The following STAB1 variants were observed in gnomAD, a reference collection of about 807,000 sequenced individuals.
STAB1 encodes the protein stabilin-1.
A neutral mutation model predicts 332.4 loss-of-function variants in STAB1; 250 were observed. The ratio of observed to expected loss-of-function variants is 0.75; its 90% CI spans 0.68 to 0.84. The LOEUF (loss-of-function observed/expected upper bound fraction) is 0.84. STAB1 is among the 40% of genes least tolerant of loss of function. The pLI is 0.00. For missense variants in STAB1, 3,249 were observed against 3,489.7 expected (o/e 0.93, Z 1.74); for synonymous variants, 1,475 against 1,390.4 (o/e 1.06, Z -1.35).
chr3:52,521,430 G>A lies in STAB1; in HGVS notation c.5978G>A (p.Gly1993Glu). The change falls in exon 56 of 69, where the codon GGG becomes GAG. Residue 1993 changes from glycine (G) to glutamate (E), a missense_variant. Coordinates refer to ENST00000321725, the MANE Select transcript of STAB1 (RefSeq NM_015136.3). ...TGCATGGACGGCATGAGTGGCAGTG[G>A]GCAGTGTCTGTGCCGTTCAGGTTTT... ...GVCMDGMSGS[G>E]QCLCRSGFAG... 1.9e-6 allele frequency: 3 copies of A among 1,614,030 alleles called. No homozygotes were observed. The highest frequency in any genetic ancestry group is 2.5e-6 in the Non-Finnish European group (3 of 1,180,028).
Position 52,522,701 on chromosome 3 carries a change from C to T in STAB1, c.6744+13C>T, listed in dbSNP as rs747346296. 1.9e-6 allele frequency: 3 copies of T among 1,612,910 alleles called. No homozygotes were observed. The highest frequency in any genetic ancestry group is 1.6e-4 in the Middle Eastern group (1 of 6,062). On this transcript the variant is annotated intron_variant, in intron 61 of 68. Transcript: ENST00000321725. ...TGCTGCCCAGCAGGTGTGTGGGGCC[C>T]AGAAGTTGGGGCCAAGTGTTGGGGG...
Position 52,501,255 on chromosome 3 carries a change from C to A in STAB1, c.168C>A (p.Pro56=). The change falls in exon 2 of 69, where the codon CCC becomes CCA. Residue 56 remains proline (P), a synonymous_variant. Coordinates refer to ENST00000321725, the MANE Select transcript of STAB1 (RefSeq NM_015136.3). ...SCAAIKKQTC[P]SGWLRELPDQ... Reference sequence around the variant, plus strand: ...CGGCCATCAAGAAGCAGACGTGTCCCTCAGGCTGGCTGCGGGAGCTCCCGG... The same window carrying A: ...CGGCCATCAAGAAGCAGACGTGTCCATCAGGCTGGCTGCGGGAGCTCCCGG... The A allele has an allele frequency of 6.2e-7, 1 of 1,613,710 alleles. No individual in the cohort carries two copies. Among genetic ancestry groups the A allele is most frequent in the Non-Finnish European group, 8.5e-7 (1 of 1,180,008 alleles).
At position 52,500,934 on chromosome 3, in the gene STAB1, A is replaced by G. The variant is rs186814861; in HGVS notation, c.79-232A>G. On this transcript the variant is annotated intron_variant, in intron 1 of 68. Transcript: ENST00000321725. The stretch of plus-strand genomic sequence containing the variant: ...ATGTGACATTAACAACTTGTAACAG[A>G]CAGGTTTCACAGGGCCTTCCCCATC... Among the ~76,000 whole-genome samples the G allele has an allele frequency of 1.5e-3, 221 of 152,316 alleles. 2 individuals carry two copies. The highest frequency in any genetic ancestry group is 5.0e-3 in the African/African-American group (208 of 41,560).
chr3:52,512,504 G>A, intron 27 of STAB1, 68 bp downstream of exon 27: 1 of 1,611,720 alleles, frequency 6.2e-7, no homozygotes. Context: ...CAGCACCTCA[G>A]GTGGGAAAGG....
chr3:52,518,189 A>G, intron 45 of STAB1, 123 bp from the exon 46 acceptor site: 1 of 1,529,726 alleles, frequency 6.5e-7, no homozygotes, highest in Non-Finnish European at 8.9e-7. Flanking sequence ...ACCCCAACTC[A>G]GACCCCGCGG....
Position 52,507,691 on chromosome 3 carries a change from C to A in STAB1, c.2052+16C>A. The A allele has an allele frequency of 6.2e-7, 1 of 1,613,418 alleles. No homozygotes were observed. Among genetic ancestry groups the A allele is most frequent in the African/African-American group, 1.3e-5 (1 of 75,068 alleles). On this transcript the variant is annotated intron_variant, in intron 19 of 68. Coordinates refer to ENST00000321725, the MANE Select transcript of STAB1 (RefSeq NM_015136.3). ...TGTGAAGCTGGTGAGCACACCTTGG[C>A]CCAGCTCTCAGGGCCTCCTGACTGC...
chr3:52,511,440 C>T (rs899338941), intron 25 of STAB1, among the ~76,000 whole-genome samples: 1 of 152,232 alleles, frequency 6.6e-6, no homozygotes, highest in African/African-American at 2.4e-5. Flanking sequence ...ATGCTCTCAC[C>T]TCCGTGGACT....
At position 52,521,372 on chromosome 3, in the gene STAB1, G is replaced by A. The variant is rs759506710; in HGVS notation, c.5920G>A (p.Gly1974Ser). The A allele has an allele frequency of 2.0e-5, 33 of 1,613,768 alleles. No individual in the cohort carries two copies. Among genetic ancestry groups the A allele is most frequent in the South Asian group, 1.8e-4 (16 of 91,090 alleles). ...YGSECQACPG[G>S]PSSPCSDRGV... ...TACCCCATCCCCAGCTTGCCCTGGCGGCCCCAGCAGCCCTTGTAGTGACCG... is the reference window on the plus strand; with the variant it reads ...TACCCCATCCCCAGCTTGCCCTGGCAGCCCCAGCAGCCCTTGTAGTGACCG... The change falls in exon 56 of 69, where the codon GGC (glycine) becomes AGC (serine). Residue 1974 changes from glycine (G) to serine (S), a missense_variant. Transcript: ENST00000321725.
At position 52,504,089 on chromosome 3, in the gene STAB1, G is replaced by A. The variant is rs142146352; in HGVS notation, c.1084G>A (p.Glu362Lys). 1.2e-4 allele frequency: 184 copies of A among 1,588,576 alleles called. No homozygotes were observed. Among genetic ancestry groups the A allele is most frequent in the Non-Finnish European group, 1.3e-4 (153 of 1,167,686 alleles). The change falls in exon 10 of 69, where the codon GAG becomes AAG. Residue 362 changes from glutamate to lysine, a missense_variant. Coordinates refer to ENST00000321725, the MANE Select transcript of STAB1 (RefSeq NM_015136.3). ...GRACYGHLLH[E>K]VQKATQTGRV... is the part of the protein sequence containing the mutation. The stretch of plus-strand genomic sequence containing the variant: ...TGCCTGCTACGGACACCTGCTCCAC[G>A]AGGTGCAGAAGGCCACGCAGACAGG...
chr3:52,514,812 C>A lies in STAB1; in HGVS notation c.3790C>A (p.His1264Asn), dbSNP rs772563301. Residue 1264 changes from histidine to asparagine, a missense_variant, in exon 35 of 69, where the codon CAC becomes AAC. Coordinates refer to ENST00000321725, the MANE Select transcript of STAB1 (RefSeq NM_015136.3). Reference sequence around the variant, plus strand: ...GGGCTCAAGTCGCTGCCTGCATAGCCACGCTGAGGCCCTGCGGGTGAGAGG... The same window carrying A: ...GGGCTCAAGTCGCTGCCTGCATAGCAACGCTGAGGCCCTGCGGGTGAGAGG... ...TVGSSRCLHS[H>N]AEALREKCVN... is the part of the protein sequence containing the mutation. The A allele has an allele frequency of 1.8e-5, 29 of 1,612,814 alleles. No homozygotes were observed. Among genetic ancestry groups the A allele is most frequent in the Middle Eastern group, 1.6e-4 (1 of 6,080 alleles).
At position 52,501,245 on chromosome 3, in the gene STAB1, A is replaced by C. The variant is rs1311585372; in HGVS notation, c.158A>C (p.Gln53Pro). ...ACCTCGTGCGCGGCCATCAAGAAGC[A>C]GACGTGTCCCTCAGGCTGGCTGCGG... ...PCTSCAAIKK[Q>P]TCPSGWLREL... Residue 53 changes from glutamine (Q) to proline (P), a missense_variant, in exon 2 of 69, where the codon CAG becomes CCG. Gln to Pro is a moderately conservative substitution (Grantham distance 76). Transcript: ENST00000321725. 1.9e-6 allele frequency: 3 copies of C among 1,613,796 alleles called. No individual in the cohort carries two copies. Among genetic ancestry groups the C allele is most frequent in the Admixed American group, 3.3e-5 (2 of 60,034 alleles).
intron 20 of STAB1, 55 bp downstream of exon 20, chr3:52,508,081 C>T (rs771389812): frequency 4.3e-5 from 67 of 1,568,220 alleles, no homozygotes; most frequent in African/African-American, 1.2e-4. Context: ...TGCTGTTCCT[C>T]GGGGGCCCCC....
rs79269239 is a variant in STAB1, at chr3:52,519,524, C to T, written c.5195C>T (p.Ala1732Val). ...PIPRRNVTAA[A>V]QGFGYKIFSG... Reference sequence around the variant, plus strand: ...CCTCAGAGAAATGTCACCGCCGCCGCCCAGGGCTTCGGTTACAAGATCTTC... The same window carrying T: ...CCTCAGAGAAATGTCACCGCCGCCGTCCAGGGCTTCGGTTACAAGATCTTC... Residue 1732 changes from alanine to valine, a missense_variant, in exon 50 of 69, where the codon GCC becomes GTC. Physicochemically the swap from Ala to Val is moderately conservative, Grantham distance 64. Coordinates refer to ENST00000321725, the MANE Select transcript of STAB1 (RefSeq NM_015136.3). 1.2e-6 allele frequency: 2 copies of T among 1,613,212 alleles called. No individual in the cohort carries two copies. The highest frequency in any genetic ancestry group is 1.7e-6 in the Non-Finnish European group (2 of 1,180,018).
chr3:52,496,413 C>T (rs1351315851), intron 1 of STAB1, among the ~76,000 whole-genome samples: 4 of 152,204 alleles, frequency 2.6e-5, no homozygotes, highest in South Asian at 2.1e-4. Context: ...AAGTCCAGAG[C>T]GGGGAGGACT....
At chr3:52,519,432 G>C (rs750028759) in intron 49 of STAB1, 28 bp downstream of exon 49, 2 of 1,612,130 alleles carry the variant, frequency 1.2e-6, no homozygotes, top group Non-Finnish European at 1.7e-6. Flanking sequence ...CTGGGAGCTG[G>C]AAGACAGGCA....
At chr3:52,495,520 C>G in intron 1 of STAB1, 29 bp downstream of exon 1, 1 of 1,306,898 alleles carries the variant, frequency 7.7e-7, no homozygotes, top group Non-Finnish European at 9.8e-7. Flanking sequence ...CAGGGGCACA[C>G]GGCGTCTGGG....
chr3:52,512,324 TCTCA>T lies in STAB1; in HGVS notation c.2884-13_2884-10del. On this transcript the variant is annotated splice_polypyrimidine_tract_variant and intron_variant, in intron 26 of 68. Coordinates refer to ENST00000321725, the MANE Select transcript of STAB1 (RefSeq NM_015136.3). ...CATCTGGTTCTGAATGGAGGCCCTT[TCTCA>T]CTCCCACCCCAGGCCACCTGCCGGG... is the stretch of plus-strand genomic sequence containing the variant. 6.2e-7 allele frequency: 1 copy of T among 1,611,646 alleles called. No homozygotes were observed. Among genetic ancestry groups the T allele is most frequent in the Non-Finnish European group, 8.5e-7 (1 of 1,179,120 alleles).
Position 52,520,293 on chromosome 3 carries a change from G to A in STAB1, c.5499+3G>A, listed in dbSNP as rs1352200051. The A allele has an allele frequency of 1.2e-6, 2 of 1,613,068 alleles. No homozygotes were observed. Among genetic ancestry groups the A allele is most frequent in the Non-Finnish European group, 1.7e-6 (2 of 1,180,026 alleles). ...TCTCCTGCAGCCGAACGCGGGCCGT[G>A]AGTCTGGGGAGAGGGCTTGGATGAA... On this transcript the variant is annotated splice_donor_region_variant and intron_variant, in intron 52 of 68. Transcript: ENST00000321725.
At chr3:52,514,919 C>A in intron 35 of STAB1, 70 bp from the exon 36 acceptor site, 1 of 1,612,118 alleles carries the variant, frequency 6.2e-7, no homozygotes, top group South Asian at 1.1e-5. Flanking sequence ...GGCGCATGGT[C>A]AGTCTGTCCT....
Sources: gnomAD v4.1 joint callset for allele counts (sites outside exome capture counted in the v4.1 genomes callset) on GRCh38, gnomAD v4.1.1 for gene constraint, MANE v1.5 for transcripts, NCBI Gene and HGNC (gene_info 2026-07-23, HGNC 2026-07-21) for gene names.